Variants in ACYP2 observed in about 807,000 individuals in gnomAD.
ACYP2 encodes acylphosphatase 2.
ACYP2 carries 12 observed loss-of-function variants against 11.2 expected under a neutral mutation model. The observed-to-expected ratio is 1.08, with a 90% CI of 0.69 to 1.74. The LOEUF is 1.74. Ranked by LOEUF, ACYP2 falls within the 40% of genes most tolerant of loss-of-function variation. The pLI is 0.00. For synonymous variants in ACYP2, 43 were observed against 32.2 expected (o/e 1.33, Z -1.13); for missense variants, 134 against 101.9 (o/e 1.31, Z -1.35).
intron 4 of ACYP2, among the ~76,000 whole-genome samples, chr2:54,092,334 G>C (rs2103683786): frequency 6.6e-6 from 1 of 152,294 alleles, no homozygotes. Flanking sequence ...TGGGATTTCT[G>C]CTTCATGGTG....
At chr2:54,113,265 GGTCTCGCTCTGTCACCCAGGCT>G (rs924033060) in intron 4 of ACYP2, among the ~76,000 whole-genome samples, 13 of 150,444 alleles carry the variant, frequency 8.6e-5, no homozygotes, top group African/African-American at 2.9e-4. Flanking sequence ...TTGGAGACAG[GGTCTCGCTCTGTCACCCAGGCT>G]GGAGTGCAGT....
At chr2:54,207,071 ATG>A (rs1685101306) in intron 6 of ACYP2, among the ~76,000 whole-genome samples, 1 of 151,590 alleles carries the variant, frequency 6.6e-6, no homozygotes, top group African/African-American at 2.4e-5. Flanking sequence ...GAGGGAAAGT[ATG>A]TGTCTGTATA....
intron 6 of ACYP2, among the ~76,000 whole-genome samples, chr2:54,290,824 A>G (rs1360872757): frequency 1.3e-5 from 2 of 152,168 alleles, no homozygotes; most frequent in Admixed American, 1.3e-4. Flanking sequence ...TGGAAGAGAG[A>G]ACATCCTGGA....
intron 6 of ACYP2, chr2:54,223,155 T>C (rs940643321): frequency 2.6e-5 from 4 of 152,110 alleles, no homozygotes; most frequent in South Asian, 4.1e-4. Context: ...ACAGCATCAG[T>C]TGGAATTAGT....
chr2:54,130,653 C>G (rs1680847472), intron 4 of ACYP2, among the ~76,000 whole-genome samples: 1 of 152,184 alleles, frequency 6.6e-6, no homozygotes, highest in African/African-American at 2.4e-5. Flanking sequence ...ACCCATTCTT[C>G]TAGACACAGT....
At chr2:54,189,472 T>C (rs1684144568) in intron 6 of ACYP2, among the ~76,000 whole-genome samples, 1 of 152,350 alleles carries the variant, frequency 6.6e-6, no homozygotes, top group African/African-American at 2.4e-5. Flanking sequence ...GGTTCATCCA[T>C]GTTGTGGCAA....
chr2:54,225,387 A>G (rs1685971162), intron 6 of ACYP2, among the ~76,000 whole-genome samples: 7 of 152,202 alleles, frequency 4.6e-5, no homozygotes, highest in African/African-American at 1.4e-4. Flanking sequence ...TCACAGAGAA[A>G]AACAAGGGTG....
chr2:54,256,057 G>T (rs374531982), intron 6 of ACYP2: 3 of 1,614,146 alleles, frequency 1.9e-6, no homozygotes, highest in African/African-American at 1.3e-5. Context: ...TACCTCTGTC[G>T]CCTTGCTCTT....
chr2:54,262,750 C>A (rs1008868723), intron 6 of ACYP2, among the ~76,000 whole-genome samples: 9 of 151,914 alleles, frequency 5.9e-5, no homozygotes, highest in Non-Finnish European at 1.2e-4. Flanking sequence ...TTATGGATGG[C>A]AAACTGTAGT....
chr2:54,174,957 C>T (rs922438431), intron 6 of ACYP2, among the ~76,000 whole-genome samples: 5 of 152,170 alleles, frequency 3.3e-5, no homozygotes, highest in Non-Finnish European at 5.9e-5. Flanking sequence ...ATTTTCACAT[C>T]GGTGTTCATC....
intron 4 of ACYP2, chr2:54,115,621 CCCCT>C: frequency 1.9e-6 from 3 of 1,563,770 alleles, no homozygotes; most frequent in Non-Finnish European, 2.6e-6. Flanking sequence ...TCCCATGTGT[CCCCT>C]CCCTCTCGCA....
Position 54,286,663 on chromosome 2 carries a change from G to A in ACYP2, c.405-18025G>A, listed in dbSNP as rs531173289. Reference sequence around the variant, plus strand: ...TCTAGAATATAATTGTACTGATTAAGGATTTATACTTCCATTTTCTCAGGT... The same window carrying A: ...TCTAGAATATAATTGTACTGATTAAAGATTTATACTTCCATTTTCTCAGGT... On this transcript the variant is annotated intron_variant, in intron 6 of 6. Transcript: ENST00000607452. 3.6e-4 allele frequency among the ~76,000 whole-genome samples: 54 copies of A among 152,060 alleles called. 2 individuals carry two copies. Among genetic ancestry groups the A allele is most frequent in the African/African-American group, 1.0e-3 (43 of 41,364 alleles).
At chr2:54,028,360 G>T (rs780329140) in intron 2 of ACYP2, among the ~76,000 whole-genome samples, 1 of 152,114 alleles carries the variant, frequency 6.6e-6, no homozygotes, top group African/African-American at 2.4e-5. Flanking sequence ...CCAAAATATG[G>T]CATTCTGACA....
rs546709588 is a variant in ACYP2, at chr2:54,039,217, GTTT to G, written c.63-11725_63-11723del. 4.0e-5 allele frequency among the ~76,000 whole-genome samples: 5 copies of G among 126,100 alleles called. 1 individual carries two copies. The highest frequency in any genetic ancestry group is 8.8e-5 in the African/African-American group (3 of 34,176). The allele number at this position is 126,100 out of a possible 152,430, so 82.7% of individuals were successfully genotyped here. A position where few individuals can be genotyped will look rare whatever the true frequency, so the allele number is the denominator to read the frequency against. ...ACTTTTACTAAAAATATCTTTGGAAGTTTTTTTTTTTTTTTTTTCCCCAGCCTA... is the reference window on the plus strand; with the variant it reads ...ACTTTTACTAAAAATATCTTTGGAAGTTTTTTTTTTTTTTTCCCCAGCCTA... On this transcript the variant is annotated intron_variant, in intron 2 of 6. Coordinates refer to ENST00000607452, the MANE Select transcript of ACYP2 (RefSeq NM_001320586.2).
chr2:54,229,688 A>G (rs953184200), intron 6 of ACYP2, among the ~76,000 whole-genome samples: 37 of 152,220 alleles, frequency 2.4e-4, no homozygotes, highest in African/African-American at 1.7e-4. Context: ...ATATTTTATA[A>G]CAGCACCAAA....
chr2:54,205,479 G>A (rs10172490), intron 6 of ACYP2, among the ~76,000 whole-genome samples: 4,198 of 152,144 alleles, frequency 0.028, 199 homozygotes, highest in African/African-American at 0.097. Context: ...TCCTCTCCCC[G>A]CCTACTCCTA....
chr2:54,052,130 A>C (rs1675899755), intron 3 of ACYP2, among the ~76,000 whole-genome samples: 1 of 152,068 alleles, frequency 6.6e-6, no homozygotes, highest in Non-Finnish European at 1.5e-5. Context: ...GAGGAGGATG[A>C]AGATGAAGAA....
intron 6 of ACYP2, 119 bp downstream of exon 3, chr2:54,138,867 A>C: frequency 4.0e-6 from 3 of 751,932 alleles, no homozygotes; most frequent in Non-Finnish European, 2.2e-6. Flanking sequence ...ATCTCGGCTC[A>C]CTACAACCTC....
intron 4 of ACYP2, among the ~76,000 whole-genome samples, chr2:54,088,937 T>C (rs546293241): frequency 1.9e-3 from 288 of 152,256 alleles, no homozygotes; most frequent in African/African-American, 6.3e-3. Flanking sequence ...CAGCCCACAA[T>C]TGCATGTTCA....
Sources: gnomAD v4.1 joint callset for allele counts (sites outside exome capture counted in the v4.1 genomes callset) on GRCh38, gnomAD v4.1.1 for gene constraint, MANE v1.5 for transcripts, NCBI Gene and HGNC (gene_info 2026-07-23, HGNC 2026-07-21) for gene names.